VAMP7: variants seen among roughly 807,000 people sequenced by gnomAD.
VAMP7 encodes the protein vesicle-associated membrane protein 7.
Under a neutral mutation model 29.6 loss-of-function variants are expected in VAMP7, and 14 were observed. That is an observed-to-expected ratio of 0.47 (90% CI 0.31 to 0.74). The LOEUF is 0.74. Ranked by LOEUF, VAMP7 falls within the 30% of genes least tolerant of loss-of-function variation. VAMP7 has a pLI of 0.05. For missense variants in VAMP7, 223 were observed against 262.4 expected, an observed-to-expected ratio of 0.85 and a Z score of 1.04; for synonymous variants, 95 against 88.1, an observed-to-expected ratio of 1.08 and a Z score of -0.44.
At chrX:155,910,117 C>G (rs369167192) in intron 5 of VAMP7, among the ~76,000 whole-genome samples, 3 of 152,292 alleles carry the variant, frequency 2.0e-5, no homozygotes, top group East Asian at 3.9e-4. Context: ...ATACCCACAC[C>G]CTTCCTAGCC....
chrX:155,905,351 T>C (rs2066132436), intron 5 of VAMP7, among the ~76,000 whole-genome samples: 1 of 152,152 alleles, frequency 6.6e-6, no homozygotes, highest in South Asian at 2.1e-4. Flanking sequence ...TTTTCAAATA[T>C]TTTGCTCTAT....
In VAMP7 at chrX:155,900,050, C is replaced by T. The variant is rs1209555304; in HGVS notation, c.343-447C>T. Among the ~76,000 whole-genome samples the T allele has an allele frequency of 4.6e-5, 7 of 152,056 alleles. No homozygotes were observed. In the East Asian group the frequency reaches 1.2e-3, roughly 25 times the overall value. ...TTATATGCTGTGATCCTGGCAGATA[C>T]AAGAACAGATTCTGAGAAGCTGGGC... On this transcript the variant is annotated intron_variant, in intron 4 of 7. Coordinates refer to ENST00000286448, the MANE Select transcript of VAMP7 (RefSeq NM_005638.6).
At position 155,942,415 on chromosome X, in the gene VAMP7, A is replaced by AGT. The variant is rs2066759787; in HGVS notation, c.*465_*466dup. On this transcript the variant is annotated 3_prime_UTR_variant, in exon 8 of 8. Transcript: ENST00000286448. The stretch of plus-strand genomic sequence containing the variant: ...CTTCAAAACAATATAAATGGATAAT[A>AGT]GTTGTTATTTGGGGAATTGTAATGA... 2.3e-6 allele frequency: 1 copy of AGT among 428,520 alleles called. No homozygotes were observed. The highest frequency in any genetic ancestry group is 4.1e-6 in the Non-Finnish European group (1 of 242,098). The allele number at this position is 428,520 out of a possible 1,614,324, so 26.5% of individuals were successfully genotyped here. A position where few individuals can be genotyped will look rare whatever the true frequency, so the allele number is the denominator to read the frequency against.
rs758841187 is a variant in VAMP7, at chrX:155,933,311, C to T, written c.502-6390C>T. ...TCCTCCTTGTACCTCTGGTAGAATT[C>T]GGCTGTGAATCCATCTGGTCCTGGA... On this transcript the variant is annotated intron_variant, in intron 6 of 7. Coordinates refer to ENST00000286448, the MANE Select transcript of VAMP7 (RefSeq NM_005638.6). 1.9e-3 allele frequency among the ~76,000 whole-genome samples: 286 copies of T among 152,198 alleles called. 1 individual carries two copies. The highest frequency in any genetic ancestry group is 6.7e-3 in the African/African-American group (277 of 41,546).
At chrX:155,887,527 T>C (rs185739361) in intron 1 of VAMP7, among the ~76,000 whole-genome samples, 69 of 152,168 alleles carry the variant, frequency 4.5e-4, no homozygotes, top group African/African-American at 1.5e-3. Flanking sequence ...GTTGGTGACC[T>C]TAGGAAGCAT....
intron 6 of VAMP7, among the ~76,000 whole-genome samples, chrX:155,934,717 TTA>T (rs1465132498): frequency 7.2e-5 from 11 of 152,160 alleles, no homozygotes; most frequent in Non-Finnish European, 1.3e-4. Flanking sequence ...GTTGATACTG[TTA>T]TGTGTGAATT....
chrX:155,932,564 A>C (rs1449254674), intron 6 of VAMP7, among the ~76,000 whole-genome samples: 2 of 151,516 alleles, frequency 1.3e-5, no homozygotes, highest in Non-Finnish European at 3.0e-5. Flanking sequence ...ATTTCGTATC[A>C]AGACTTTGCT....
rs184471564 is a variant in VAMP7, at chrX:155,893,777, T to C, written c.147-1846T>C. Among the ~76,000 whole-genome samples the C allele has an allele frequency of 2.8e-4, 43 of 152,332 alleles. No homozygotes were observed. In the East Asian group the frequency reaches 7.1e-3, roughly 25 times the overall value. ...CTCCCAAAGGCCTTGTCTCCAAATA[T>C]AGTCACACTGTAACATATGAATTTT... On this transcript the variant is annotated intron_variant, in intron 2 of 7. Transcript: ENST00000286448.
intron 1 of VAMP7, among the ~76,000 whole-genome samples, chrX:155,887,112 G>A (rs758844728): frequency 3.3e-5 from 5 of 151,756 alleles, no homozygotes; most frequent in South Asian, 4.2e-4. Context: ...CTTTCCTTTC[G>A]GCTTCTGGGC....
At position 155,942,980 on chromosome X, in the gene VAMP7, C is replaced by A. The variant is rs1032087279; in HGVS notation, c.*1029C>A. ...AGCATTCTTTGTGGTTAAATAAATT[C>A]TTAAATCTGCCTAGTTTTGATGAAT... is the stretch of plus-strand genomic sequence containing the variant. On this transcript the variant is annotated 3_prime_UTR_variant, in exon 8 of 8. Transcript: ENST00000286448. 1.3e-4 allele frequency: 20 copies of A among 151,652 alleles called. No individual in the cohort carries two copies. Among genetic ancestry groups the A allele is most frequent in the African/African-American group, 4.6e-4 (19 of 41,246 alleles). The allele number at this position is 151,652 out of a possible 1,614,324, so 9.4% of individuals were successfully genotyped here.
At chrX:155,915,287 A>G (rs371771342) in intron 5 of VAMP7, among the ~76,000 whole-genome samples, 1 of 151,994 alleles carries the variant, frequency 6.6e-6, no homozygotes, top group East Asian at 1.9e-4. Context: ...CAGTCTATCA[A>G]TTTTGTTAAT....
chrX:155,918,351 G>C (rs763919469), intron 5 of VAMP7, among the ~76,000 whole-genome samples: 1 of 152,020 alleles, frequency 6.6e-6, no homozygotes, highest in South Asian at 2.1e-4. Context: ...CGCCACTGGG[G>C]TATGAAAAAA....
rs972375802 is a variant in VAMP7, at chrX:155,920,009, T to G, written c.501+129T>G. On this transcript the variant is annotated intron_variant, in intron 6 of 7. Transcript: ENST00000286448. ...TTTTTTTTCTTTCTCATTTCCATTA[T>G]GTGATTACTTTGTAATAATGAGGAT... 3 of 734,710 alleles carry G rather than the reference T, an allele frequency of 4.1e-6. No homozygotes were observed. In the African/African-American group the frequency reaches 5.4e-5, roughly 13 times the overall value. The allele number at this position is 734,710 out of a possible 1,614,324, so 45.5% of individuals were successfully genotyped here.
intron 1 of VAMP7, among the ~76,000 whole-genome samples, chrX:155,889,155 A>G (rs568119225): frequency 1.9e-4 from 29 of 152,224 alleles, no homozygotes; most frequent in African/African-American, 6.5e-4. Context: ...TTGCTTTTCA[A>G]AAGGGTGATA....
chrX:155,894,774 C>T (rs1458453397), intron 2 of VAMP7, among the ~76,000 whole-genome samples: 1 of 151,994 alleles, frequency 6.6e-6, no homozygotes, highest in Non-Finnish European at 1.5e-5. Flanking sequence ...TGCCACCACA[C>T]CTGGCTAATT....
In VAMP7 at chrX:155,898,135, T is replaced by C. The variant is rs1302483095; in HGVS notation, c.228T>C (p.Phe76=). 6.2e-7 allele frequency: 1 copy of C among 1,613,542 alleles called. No homozygotes were observed. Among genetic ancestry groups the C allele is most frequent in the Non-Finnish European group, 8.5e-7 (1 of 1,179,582 alleles). The change falls in exon 4 of 8, where the codon TTT becomes TTC. Residue 76 remains phenylalanine, a synonymous_variant. Transcript: ENST00000286448. The part of the protein sequence containing the change: ...TDDDFERSRA[F]NFLNEIKKRF... ...AGGATTTTGAACGTTCCCGAGCCTT[T>C]AATTTTCTGAATGAGATAAAGAAGA...
chrX:155,919,708 G>T, intron 5 of VAMP7, 105 bp from the exon 6 acceptor site: 2 of 975,372 alleles, frequency 2.1e-6, no homozygotes, highest in Non-Finnish European at 3.1e-6. Context: ...CCTGTCCTTT[G>T]GCCCCAGGAC....
At chrX:155,920,694 G>T (rs948411265) in intron 6 of VAMP7, among the ~76,000 whole-genome samples, 1 of 152,122 alleles carries the variant, frequency 6.6e-6, no homozygotes, top group Non-Finnish European at 1.5e-5. Context: ...ACCTCTTTGT[G>T]CCTCAGTCAT....
At chrX:155,897,806 G>A (rs2066006064) in intron 3 of VAMP7, among the ~76,000 whole-genome samples, 1 of 152,054 alleles carries the variant, frequency 6.6e-6, no homozygotes, top group Non-Finnish European at 1.5e-5. Flanking sequence ...AATATATGGA[G>A]GAAGTAAAAT....
Sources: allele counts gnomAD v4.1 joint callset (sites outside exome capture counted in the v4.1 genomes callset), GRCh38; gene constraint gnomAD v4.1.1; transcripts MANE v1.5; gene names NCBI Gene and HGNC (gene_info 2026-07-23, HGNC 2026-07-21).